PDK3: variants seen among roughly 807,000 people sequenced by gnomAD.
PDK3 encodes the protein pyruvate dehydrogenase kinase, isozyme 3.
PDK3 carries 12 observed loss-of-function variants against 32.0 expected under a neutral mutation model. The observed-to-expected ratio is 0.37, with a 90% CI of 0.24 to 0.61. The LOEUF (loss-of-function observed/expected upper bound fraction) is 0.61, where lower values mean the gene tolerates loss of function less well. Among genes scored for constraint, PDK3 ranks in the 20% least tolerant of loss-of-function variants. PDK3 has a pLI of 0.65. For synonymous variants in PDK3, 122 were observed against 116.3 expected, an observed-to-expected ratio of 1.05 and a Z score of -0.31; for missense variants, 188 against 316.9, an observed-to-expected ratio of 0.59 and a Z score of 3.09.
intron 6 of PDK3, among the ~76,000 whole-genome samples, chrX:24,519,279 G>T (rs1922335178): frequency 9.2e-6 from 1 of 108,882 alleles, no homozygotes; most frequent in Admixed American, 9.9e-5. Flanking sequence ...CCTTCTCAAA[G>T]TAACAAATGC....
At chrX:24,541,500 T>C (rs969378557) in exon 12 of PDK3, among the ~76,000 whole-genome samples, 1 of 112,220 alleles carries the variant, frequency 8.9e-6, no homozygotes, top group Non-Finnish European at 1.9e-5. Context: ...AAAGATTGAT[T>C]TCAGTGTCTT....
At chrX:24,508,755 C>T (rs1163874063) in intron 5 of PDK3, among the ~76,000 whole-genome samples, 2 of 111,268 alleles carry the variant, frequency 1.8e-5, no homozygotes, top group Admixed American at 9.5e-5. Flanking sequence ...CTCTGTCGTC[C>T]AGGCTGGAGT....
In PDK3 at chrX:24,470,272, G is replaced by A. The variant is rs189815380; in HGVS notation, c.106+4711G>A. On this transcript the variant is annotated intron_variant, in intron 1 of 10. Transcript: ENST00000379162. ...AGATTTGGTAGAACTTCATATGAAA[G>A]TGTTTAAGCCTGTATGTTTTGGGGA... Among the ~76,000 whole-genome samples the A allele has an allele frequency of 3.8e-3, 432 of 112,284 alleles. 2 individuals are homozygous for A. The highest frequency in any genetic ancestry group is 0.012 in the African/African-American group (386 of 30,964).
At chrX:24,544,424 CT>C (rs985014291) in exon 12 of PDK3, among the ~76,000 whole-genome samples, 1 of 111,637 alleles carries the variant, frequency 9.0e-6, no homozygotes, top group Non-Finnish European at 1.9e-5. Context: ...CGCTCTTCCT[CT>C]TTTGGATACC....
intron 1 of PDK3, among the ~76,000 whole-genome samples, chrX:24,493,621 T>G (rs1921628654): frequency 8.9e-6 from 1 of 111,854 alleles, no homozygotes; most frequent in Admixed American, 9.4e-5. Flanking sequence ...GGAGATGGGA[T>G]GGACCCCTCA....
intron 5 of PDK3, among the ~76,000 whole-genome samples, chrX:24,507,115 A>G (rs1385789628): frequency 2.7e-5 from 3 of 110,857 alleles, no homozygotes; most frequent in Non-Finnish European, 5.7e-5. Context: ...GGCCTGTAGA[A>G]CATTTTCATC....
In PDK3 at chrX:24,531,049, T is replaced by TTGTGTGTGTGTGTG. The variant is rs760426568; in HGVS notation, c.964-587_964-574dup. Among the ~76,000 whole-genome samples the TTGTGTGTGTGTGTG allele has an allele frequency of 4.9e-4, 48 of 98,169 alleles. 1 individual carries two copies. Among genetic ancestry groups the TTGTGTGTGTGTGTG allele is most frequent in the Non-Finnish European group, 6.8e-4 (33 of 48,579 alleles). The allele number at this position is 98,169 out of a possible 115,157, so 85.2% of individuals were successfully genotyped here. A position where few individuals can be genotyped will look rare whatever the true frequency, so the allele number is the denominator to read the frequency against. On this transcript the variant is annotated intron_variant, in intron 9 of 10. Coordinates refer to ENST00000379162, the MANE Select transcript of PDK3 (RefSeq NM_005391.5). ...ATTCCACTTGATTTGGAATGTGCTT[T>TTGTGTGTGTGTGTG]TGTGTGTGTGTGTGTGTGTGTGTGT...
intron 6 of PDK3, among the ~76,000 whole-genome samples, chrX:24,520,962 G>A (rs1225234739): frequency 9.0e-6 from 1 of 111,274 alleles, no homozygotes; most frequent in East Asian, 2.8e-4. Flanking sequence ...GAATGACTGA[G>A]CAGGGTGTGA....
At chrX:24,497,475 G>A (rs1484984843) in intron 2 of PDK3, among the ~76,000 whole-genome samples, 1 of 111,423 alleles carries the variant, frequency 9.0e-6, no homozygotes, top group Admixed American at 9.5e-5. Flanking sequence ...TAGTAGAGAC[G>A]GGGTTTCGCC....
In PDK3 at chrX:24,505,203, G is replaced by A. The variant is rs376450754; in HGVS notation, c.506-6G>A. The A allele has an allele frequency of 4.8e-5, 57 of 1,188,441 alleles. No individual in the cohort carries two copies. Among genetic ancestry groups the A allele is most frequent in the South Asian group, 1.3e-4 (7 of 55,204 alleles). ...ATCCCCTCCCTTTCCTTTTGTGTTCGTCTAGCACTTCTGTTTGGGGGTGAC... is the reference window on the plus strand; with the variant it reads ...ATCCCCTCCCTTTCCTTTTGTGTTCATCTAGCACTTCTGTTTGGGGGTGAC... On this transcript the variant is annotated splice_region_variant and splice_polypyrimidine_tract_variant and intron_variant, in intron 4 of 10. Coordinates refer to ENST00000379162, the MANE Select transcript of PDK3 (RefSeq NM_005391.5).
chrX:24,511,334 A>C (rs1208580653), intron 5 of PDK3, among the ~76,000 whole-genome samples: 3 of 112,673 alleles, frequency 2.7e-5, no homozygotes, highest in Admixed American at 9.4e-5. Flanking sequence ...CTTCTAACTC[A>C]GAATCTCTAT....
chrX:24,500,694 C>T (rs764276874), intron 3 of PDK3, among the ~76,000 whole-genome samples: 2 of 111,760 alleles, frequency 1.8e-5, no homozygotes, highest in Non-Finnish European at 3.8e-5. Context: ...GAAAGGTGAG[C>T]GAGTATCATG....
In PDK3 at chrX:24,534,229, G is replaced by A; in HGVS notation, c.*157G>A. On this transcript the variant is annotated 3_prime_UTR_variant, in exon 11 of 11. Transcript: ENST00000379162. ...TATTTAAAAAGCAATTAAGTTTGCA[G>A]TTTGTCCTCATAAACGTTGTAGGTT... 1.0e-6 allele frequency: 1 copy of A among 968,168 alleles called. No individual in the cohort carries two copies. The highest frequency in any genetic ancestry group is 5.1e-5 in the South Asian group (1 of 19,482). 79.8% of individuals were successfully genotyped at this position (968,168 alleles called of 1,213,427 possible).
chrX:24,482,676 A>C (rs192013643), intron 1 of PDK3, among the ~76,000 whole-genome samples: 2 of 112,473 alleles, frequency 1.8e-5, no homozygotes, highest in Admixed American at 1.9e-4. Flanking sequence ...CAGAACTATC[A>C]GATTGATACC....
intron 1 of PDK3, 76 bp from the exon 2 acceptor site, chrX:24,494,666 C>T (rs1409956138): frequency 5.8e-5 from 40 of 692,930 alleles, no homozygotes; most frequent in Non-Finnish European, 8.1e-5. Context: ...CAGTAGTAAC[C>T]GTGCTACCGT....
intron 1 of PDK3, among the ~76,000 whole-genome samples, chrX:24,489,684 CAAA>C (rs11309543): frequency 1.3e-4 from 6 of 46,711 alleles, no homozygotes; most frequent in Non-Finnish European, 1.2e-4. Flanking sequence ...GACTCTGTCT[CAAA>C]AAAAAAAAAA....
At chrX:24,548,781 A>T (rs1923045274) in exon 12 of PDK3, 1 of 112,374 alleles carries the variant, frequency 8.9e-6, no homozygotes, top group Non-Finnish European at 1.9e-5. Context: ...CTTTTCACAT[A>T]TGCTAGACAT....
chrX:24,472,944 C>T (rs1177657321), intron 1 of PDK3, among the ~76,000 whole-genome samples: 5 of 108,489 alleles, frequency 4.6e-5, no homozygotes, highest in African/African-American at 1.7e-4. Flanking sequence ...ACCTCAGCCT[C>T]CCAAAGTGCT....
chrX:24,507,265 T>C (rs1922008449), intron 5 of PDK3, among the ~76,000 whole-genome samples: 2 of 112,441 alleles, frequency 1.8e-5, no homozygotes, highest in South Asian at 7.3e-4. Flanking sequence ...AACAATACAA[T>C]ATGTGGTCTT....
Sources: allele counts gnomAD v4.1 joint callset (sites outside exome capture counted in the v4.1 genomes callset), GRCh38; gene constraint gnomAD v4.1.1; transcripts MANE v1.5; gene names NCBI Gene and HGNC (gene_info 2026-07-23, HGNC 2026-07-21).